CRNKL1: variants seen among roughly 807,000 people sequenced by gnomAD.
CRNKL1 encodes crooked neck-like protein 1.
Under a neutral mutation model 103.7 loss-of-function variants are expected in CRNKL1, and 35 were observed. The observed-to-expected ratio is 0.34, with a 90% CI of 0.26 to 0.45. CRNKL1 has a LOEUF of 0.45. Ranked by LOEUF, CRNKL1 falls within the 20% of genes least tolerant of loss-of-function variation. CRNKL1 has a pLI of 1.00. For synonymous variants in CRNKL1, 267 were observed against 282.6 expected (o/e 0.94, Z 0.55); for missense variants, 645 against 836.0 (o/e 0.77, Z 2.82).
At chr20:20,052,535 C>T (rs755883285), upstream of CRNKL1, 3 of 1,614,232 alleles carry the variant, frequency 1.9e-6, no homozygotes, top group Admixed American at 1.7e-5. Context: ...GGTGACCAGG[C>T]TGCGCGTCCT....
At chr20:20,053,734 TCA>T (rs2043973101), upstream of CRNKL1, among the ~76,000 whole-genome samples, 1 of 152,234 alleles carries the variant, frequency 6.6e-6, no homozygotes, top group African/African-American at 2.4e-5. Flanking sequence ...ATATTTTATC[TCA>T]CTTTTCAAAA....
chr20:20,048,029 C>A, intron 4 of CRNKL1, 98 bp from the exon 5 acceptor site: 1 of 1,343,536 alleles, frequency 7.4e-7, no homozygotes, highest in Non-Finnish European at 1.0e-6. Flanking sequence ...AAGGTTAAAT[C>A]AAACATGTTT....
At chr20:20,039,356 G>A (rs935653434) in intron 11 of CRNKL1, among the ~76,000 whole-genome samples, 8 of 152,106 alleles carry the variant, frequency 5.3e-5, no homozygotes, top group Non-Finnish European at 7.4e-5. Flanking sequence ...CAGAAGGGGC[G>A]TCACCCACCC....
At chr20:20,039,535 A>G (rs925913423) in intron 11 of CRNKL1, 74 bp downstream of exon 11, 22 of 1,517,404 alleles carry the variant, frequency 1.4e-5, no homozygotes, top group African/African-American at 2.8e-5. Flanking sequence ...AAATACACCC[A>G]CATTTAGATG....
intron 2 of CRNKL1, among the ~76,000 whole-genome samples, chr20:20,050,074 C>T (rs1024544166): frequency 3.3e-5 from 5 of 152,220 alleles, no homozygotes; most frequent in African/African-American, 1.2e-4. Context: ...GCCTCGGCCT[C>T]CCAAAGTGTT....
intron 6 of CRNKL1, among the ~76,000 whole-genome samples, chr20:20,044,923 A>T (rs1385132929): frequency 6.6e-6 from 1 of 152,110 alleles, no homozygotes; most frequent in Non-Finnish European, 1.5e-5. Flanking sequence ...GAACTCTCTT[A>T]TTTGTAGGGC....
At chr20:20,048,712 T>C (rs1448134203) in intron 3 of CRNKL1, among the ~76,000 whole-genome samples, 1 of 152,210 alleles carries the variant, frequency 6.6e-6, no homozygotes, top group Non-Finnish European at 1.5e-5. Context: ...ATGTGATTTA[T>C]GTTATAGTCA....
chr20:20,049,332 A>G lies in CRNKL1; in HGVS notation c.296+8T>C. On this transcript the variant is annotated splice_region_variant and intron_variant, in intron 3 of 13. Transcript: ENST00000536226. ...TTATATACAAAACTACACTCTCAGTAATTTTACCTTTGAATCTCCTTTAGG... is the reference window on the plus strand; with the variant it reads ...TTATATACAAAACTACACTCTCAGTGATTTTACCTTTGAATCTCCTTTAGG... 3.5e-6 allele frequency: 5 copies of G among 1,444,322 alleles called. No homozygotes were observed. Among genetic ancestry groups the G allele is most frequent in the Non-Finnish European group, 4.8e-6 (5 of 1,035,020 alleles). The allele number at this position is 1,444,322 out of a possible 1,614,324, so 89.5% of individuals were successfully genotyped here.
chr20:20,042,540 A>C (rs1436595751), intron 7 of CRNKL1, 24 bp from the exon 8 acceptor site: 2 of 1,581,380 alleles, frequency 1.3e-6, no homozygotes, highest in Admixed American at 3.7e-5. Flanking sequence ...CAGTTTAATA[A>C]ATAAAAAACA....
chr20:20,052,500 G>C, upstream of CRNKL1: 2 of 1,614,260 alleles, frequency 1.2e-6, no homozygotes, highest in Non-Finnish European at 1.7e-6. Context: ...CGCTTGAGCC[G>C]TGACGGAGGC....
At position 20,034,988 on chromosome 20, in the gene CRNKL1, C is replaced by G. The variant is rs2043397127; in HGVS notation, c.*1207G>C. ...AAAAAATGTGCTTGAGAAACACAGT[C>G]CAGGTTAAAGGAAAACTCTCAGATC... On this transcript the variant is annotated 3_prime_UTR_variant, in exon 14 of 14. Transcript: ENST00000536226. 6.6e-6 allele frequency: 1 copy of G among 152,058 alleles called. No homozygotes were observed. The highest frequency in any genetic ancestry group is 2.4e-5 in the African/African-American group (1 of 41,372). 9.4% of individuals were successfully genotyped at this position (152,058 alleles called of 1,614,324 possible).
In CRNKL1 at chr20:20,047,772, A is replaced by G. The variant is rs758941827; in HGVS notation, c.615T>C (p.Tyr205=). 2.2e-5 allele frequency: 35 copies of G among 1,614,050 alleles called. No homozygotes were observed. In the East Asian group the frequency reaches 7.6e-4, roughly 35 times the overall value. ...ATCTCGTCCAAAGGATATATCGCTC[A>G]TAAATGGTGCGGGCCCGATCCACCT... is the stretch of plus-strand genomic sequence containing the variant. The part of the protein sequence containing the change: ...YKEVDRARTI[Y]ERFVLVHPDV... Residue 205 remains tyrosine, a synonymous_variant, in exon 5 of 14, where the codon TAT becomes TAC. Transcript: ENST00000536226.
At chr20:20,037,074 T>C (rs934281836) in intron 13 of CRNKL1, among the ~76,000 whole-genome samples, 5 of 152,186 alleles carry the variant, frequency 3.3e-5, no homozygotes, top group Admixed American at 1.3e-4. Context: ...AATATCACAC[T>C]TCATGAAGTT....
chr20:20,038,377 C>T lies in CRNKL1; in HGVS notation c.1619G>A (p.Arg540Gln), dbSNP rs377678635. The T allele has an allele frequency of 1.0e-5, 16 of 1,552,056 alleles. No homozygotes were observed. The highest frequency in any genetic ancestry group is 1.7e-4 in the Middle Eastern group (1 of 6,010). Residue 540 changes from arginine (R) to glutamine (Q), a missense_variant, in exon 12 of 14, where the codon CGG (arginine) becomes CAG (glutamine). Arg to Gln is a conservative substitution (Grantham distance 43). Around this residue, in one of 2 missense-constraint regions of CRNKL1, gnomAD observed 582 missense variants for 707.7 expected, o/e 0.82. Transcript: ENST00000536226. ...ETERTRNLYR[R>Q]LLQRTQHVKV... is the part of the protein sequence containing the mutation. ...GACATGCTGCGTCCGTTGAAGCAAC[C>T]GCCGGTAAAGGTTTCGTGTTCTTTC...
rs781058387 is a variant in CRNKL1 at position 20,040,330 on chromosome 20, CA to C, written c.1305+355del. 4.5e-3 allele frequency among the ~76,000 whole-genome samples: 358 copies of C among 79,188 alleles called. 3 individuals are homozygous for C. The highest frequency in any genetic ancestry group is 0.043 in the South Asian group (115 of 2,698). 52.0% of individuals were successfully genotyped at this position (79,188 alleles called of 152,430 possible). A position where few individuals can be genotyped will look rare whatever the true frequency, so the allele number is the denominator to read the frequency against. The stretch of plus-strand genomic sequence containing the variant: ...CTGTCTCAAAAAAAAACCAAACAAA[CA>C]AAAAAAAAAAAAAGAAAAAAAAAGT... On this transcript the variant is annotated intron_variant, in intron 10 of 13. Transcript: ENST00000536226.
Position 20,039,499 on chromosome 20 carries a change from G to C in CRNKL1, c.1545+110C>G. ...GCCTAATCTGAGTAGAAGAGACTAA[G>C]TTAGTTAGATCATCGTTATACTCTA... is the stretch of plus-strand genomic sequence containing the variant. On this transcript the variant is annotated intron_variant, in intron 11 of 13. Coordinates refer to ENST00000536226, the MANE Select transcript of CRNKL1 (RefSeq NM_001278628.2). The C allele has an allele frequency of 2.3e-6, 3 of 1,329,712 alleles. No homozygotes were observed. The South Asian group carries it at 4.1e-5, about 18-fold the overall frequency. 82.4% of individuals were successfully genotyped at this position (1,329,712 alleles called of 1,614,324 possible). A position where few individuals can be genotyped will look rare whatever the true frequency, so the allele number is the denominator to read the frequency against.
At chr20:20,037,815 G>A (rs866896975) in intron 12 of CRNKL1, among the ~76,000 whole-genome samples, 2 of 152,158 alleles carry the variant, frequency 1.3e-5, no homozygotes, top group Non-Finnish European at 2.9e-5. Context: ...TTGGCTGGGT[G>A]CAGTGGCTCA....
At position 20,036,176 on chromosome 20, in the gene CRNKL1, T is replaced by C; in HGVS notation, c.*19A>G. 1 of 1,606,386 alleles carries C rather than the reference T, an allele frequency of 6.2e-7. No homozygotes were observed. Among genetic ancestry groups the C allele is most frequent in the Non-Finnish European group, 8.5e-7 (1 of 1,176,202 alleles). ...ATTAATTTATAAAAATAACAAAACA[T>C]TTGTCTATGAAAAAAAGATCAGGAT... is the stretch of plus-strand genomic sequence containing the variant. On this transcript the variant is annotated 3_prime_UTR_variant, in exon 14 of 14. Coordinates refer to ENST00000536226, the MANE Select transcript of CRNKL1 (RefSeq NM_001278628.2).
In CRNKL1 at chr20:20,042,394, C is replaced by CCAG; in HGVS notation, c.1094_1095insCTG (p.Glu365delinsAspTrp). 1 of 1,614,158 alleles carries CCAG rather than the reference C, an allele frequency of 6.2e-7. No homozygotes were observed. The highest frequency in any genetic ancestry group is 8.5e-7 in the Non-Finnish European group (1 of 1,180,028). ...AAATGTAGCGCTTCCAGTGCCTCTT[C>CCAG]TCCTGAATGGGTGGGACATTGGCAA... On this transcript the variant is annotated protein_altering_variant, in exon 8 of 14. Transcript: ENST00000536226.
Sources: gnomAD v4.1 joint callset for allele counts (sites outside exome capture counted in the v4.1 genomes callset) on GRCh38, gnomAD v4.1.1 for gene constraint, gnomAD v4.1.1 regional missense constraint, MANE v1.5 for transcripts, NCBI Gene and HGNC (gene_info 2026-07-23, HGNC 2026-07-21) for gene names.